Variants in TBX15 observed in about 807,000 individuals in gnomAD.
The protein encoded by TBX15 is T-box transcription factor TBX15.
Under a neutral mutation model 53.9 loss-of-function variants are expected in TBX15, and 18 were observed. That is an observed-to-expected ratio of 0.33 (90% CI 0.23 to 0.49). TBX15 has a LOEUF of 0.49. Among genes scored for constraint, TBX15 ranks in the 20% least tolerant of loss-of-function variants. The pLI, the probability that TBX15 is intolerant of heterozygous loss-of-function variation, is 0.98. For missense variants in TBX15, 692 were observed against 749.5 expected (o/e 0.92, Z 0.90); for synonymous variants, 295 against 278.0 (o/e 1.06, Z -0.61).
At chr1:118,962,879 G>T (rs1347475652) in intron 1 of TBX15, among the ~76,000 whole-genome samples, 1 of 152,180 alleles carries the variant, frequency 6.6e-6, no homozygotes, top group African/African-American at 2.4e-5. Flanking sequence ...ATTACAAGTT[G>T]GTAGGAGAGA....
rs1553222899 is a variant in TBX15, at chr1:118,926,621, T to C, written c.420-10A>G. The C allele has an allele frequency of 9.9e-6, 16 of 1,610,488 alleles. No individual in the cohort carries two copies. In the Admixed American group the frequency reaches 1.0e-4, roughly 10 times the overall value. ...GGCAGGAAACATCCTCCTATGAAGA[T>C]GAATAAAACAGAAAGCTCAGAAATC... is the stretch of plus-strand genomic sequence containing the variant. On this transcript the variant is annotated splice_polypyrimidine_tract_variant and intron_variant, in intron 2 of 7. Transcript: ENST00000369429.
At chr1:118,973,502 A>G (rs887451513) in intron 1 of TBX15, among the ~76,000 whole-genome samples, 2 of 152,106 alleles carry the variant, frequency 1.3e-5, no homozygotes, top group East Asian at 3.9e-4. Flanking sequence ...AACCTCTCAA[A>G]AGTCTAAACC....
intron 3 of TBX15, among the ~76,000 whole-genome samples, chr1:118,925,903 C>T (rs1655580028): frequency 1.0e-5 from 1 of 98,972 alleles, no homozygotes; most frequent in Non-Finnish European, 2.2e-5. Context: ...AGAAATAAGC[C>T]ACAACTTTTT....
intron 6 of TBX15, among the ~76,000 whole-genome samples, chr1:118,907,048 A>G (rs1654859241): frequency 1.3e-5 from 2 of 152,216 alleles, no homozygotes; most frequent in Non-Finnish European, 2.9e-5. Context: ...CCAATGGTGG[A>G]TTCGAAAGAG....
At position 118,883,640 on chromosome 1, in the gene TBX15, TCC is replaced by T. The variant is rs1653807000; in HGVS notation, c.*1090_*1091del. 6.6e-6 allele frequency: 1 copy of T among 152,222 alleles called. No individual in the cohort carries two copies. The highest frequency in any genetic ancestry group is 1.5e-5 in the Non-Finnish European group (1 of 68,066). The allele number at this position is 152,222 out of a possible 1,614,324, so 9.4% of individuals were successfully genotyped here. A position where few individuals can be genotyped will look rare whatever the true frequency, so the allele number is the denominator to read the frequency against. On this transcript the variant is annotated 3_prime_UTR_variant, in exon 8 of 8. Coordinates refer to ENST00000369429, the MANE Select transcript of TBX15 (RefSeq NM_001330677.2). ...CTTCTTCACACCCTTTTATTTTCCT[TCC>T]CCTACCAGGCTGCATGCTGTGGAAT... is the stretch of plus-strand genomic sequence containing the variant.
chr1:118,890,226 T>C (rs1280310322), intron 7 of TBX15, among the ~76,000 whole-genome samples: 1 of 152,142 alleles, frequency 6.6e-6, no homozygotes, highest in Non-Finnish European at 1.5e-5. Context: ...CTCTCTGAAT[T>C]ATCTGTCCCT....
At position 118,945,157 on chromosome 1, in the gene TBX15, A is replaced by G. The variant is rs543128882; in HGVS notation, c.206-13325T>C. ...TTCTTACAAAGATAAATTTCCCTGA[A>G]AACATAGCCTGGGAGTGTTCAGAAC... On this transcript the variant is annotated intron_variant, in intron 1 of 7. Transcript: ENST00000369429. Among the ~76,000 whole-genome samples, 7 of 152,330 alleles carry G rather than the reference A, an allele frequency of 4.6e-5. No homozygotes were observed. The South Asian group carries it at 1.5e-3, about 32-fold the overall frequency.
intron 1 of TBX15, among the ~76,000 whole-genome samples, chr1:118,932,416 G>A (rs1281858819): frequency 6.6e-6 from 1 of 152,070 alleles, no homozygotes; most frequent in Non-Finnish European, 1.5e-5. Flanking sequence ...TCATATATTT[G>A]AGTAAATGGT....
intron 6 of TBX15, among the ~76,000 whole-genome samples, chr1:118,905,992 A>G (rs1014061046): frequency 1.3e-5 from 2 of 152,202 alleles, no homozygotes; most frequent in African/African-American, 4.8e-5. Context: ...AGCTGGATTT[A>G]CAAATTCTGA....
chr1:118,892,811 T>C (rs911919875), intron 7 of TBX15, among the ~76,000 whole-genome samples: 1 of 152,214 alleles, frequency 6.6e-6, no homozygotes, highest in African/African-American at 2.4e-5. Flanking sequence ...AGTGAACAAG[T>C]GACTCTTACT....
At chr1:118,980,667 A>C (rs1232052600) in intron 1 of TBX15, among the ~76,000 whole-genome samples, 1 of 152,238 alleles carries the variant, frequency 6.6e-6, no homozygotes, top group African/African-American at 2.4e-5. Context: ...TCTACATGGA[A>C]GAACATGAAA....
chr1:118,884,423 C>A lies in TBX15; in HGVS notation c.*309G>T, dbSNP rs554843453. 76 of 423,608 alleles carry A rather than the reference C, an allele frequency of 1.8e-4. 2 individuals carry two copies. The highest frequency in any genetic ancestry group is 1.6e-3 in the South Asian group (65 of 41,454). 26.2% of individuals were successfully genotyped at this position (423,608 alleles called of 1,614,324 possible). A position where few individuals can be genotyped will look rare whatever the true frequency, so the allele number is the denominator to read the frequency against. The stretch of plus-strand genomic sequence containing the variant: ...ATGGCTGCCACACACTAGCATCTCC[C>A]TTAACATTATGACGAAGTGATTATT... On this transcript the variant is annotated 3_prime_UTR_variant, in exon 8 of 8. Transcript: ENST00000369429.
intron 1 of TBX15, among the ~76,000 whole-genome samples, chr1:118,943,483 TG>T (rs1557894133): frequency 6.6e-6 from 1 of 152,130 alleles, no homozygotes; most frequent in Non-Finnish European, 1.5e-5. Context: ...TGGTCCATAA[TG>T]GCTGGCACAA....
chr1:118,885,535 A>G lies in TBX15; in HGVS notation c.1025-19T>C, dbSNP rs2101425827. 1.9e-6 allele frequency: 3 copies of G among 1,559,462 alleles called. No individual in the cohort carries two copies. The highest frequency in any genetic ancestry group is 2.4e-5 in the East Asian group (1 of 41,658). On this transcript the variant is annotated intron_variant, in intron 7 of 7. Transcript: ENST00000369429. ...CTGCCTCCTGAAAAATAAAACGTGA[A>G]TACTATTGAGACAGAGTCTTTTAAG...
chr1:118,964,747 T>TCAGC (rs1289067860), intron 1 of TBX15, among the ~76,000 whole-genome samples: 17 of 152,236 alleles, frequency 1.1e-4, no homozygotes, highest in African/African-American at 4.1e-4. Flanking sequence ...CTGGGTCAAA[T>TCAGC]CAGCCACATG....
chr1:118,953,400 A>AT (rs1275805301), intron 1 of TBX15, among the ~76,000 whole-genome samples: 1 of 152,214 alleles, frequency 6.6e-6, no homozygotes, highest in Non-Finnish European at 1.5e-5. Flanking sequence ...CAAGAGAAAC[A>AT]TGGGGTCTCC....
chr1:118,910,656 A>G (rs879757606), intron 6 of TBX15, among the ~76,000 whole-genome samples: 4 of 152,182 alleles, frequency 2.6e-5, no homozygotes, highest in Admixed American at 6.5e-5. Flanking sequence ...TAATTTTGAG[A>G]TATTTAAAGA....
chr1:118,909,842 A>G (rs1654971827), intron 6 of TBX15, among the ~76,000 whole-genome samples: 1 of 152,164 alleles, frequency 6.6e-6, no homozygotes, highest in Non-Finnish European at 1.5e-5. Flanking sequence ...CGGCCTCCCA[A>G]AGTGCTGGGA....
intron 1 of TBX15, among the ~76,000 whole-genome samples, chr1:118,972,343 C>G (rs1657258792): frequency 6.6e-6 from 1 of 152,136 alleles, no homozygotes; most frequent in Admixed American, 6.5e-5. Context: ...TTGCCCTTTT[C>G]CTTCTTAAAA....
Sources: gnomAD v4.1 joint callset for allele counts (sites outside exome capture counted in the v4.1 genomes callset) on GRCh38, gnomAD v4.1.1 for gene constraint, MANE v1.5 for transcripts, NCBI Gene and HGNC (gene_info 2026-07-23, HGNC 2026-07-21) for gene names.